UNC13C: variants seen among roughly 807,000 people sequenced by gnomAD.
The protein encoded by UNC13C is unc-13 homolog C, also known as protein unc-13 homolog C.
Under a neutral mutation model 245.4 loss-of-function variants are expected in UNC13C, and 174 were observed. The observed-to-expected ratio is 0.71, with a 90% CI of 0.63 to 0.80. The LOEUF (loss-of-function observed/expected upper bound fraction) is 0.80. Ranked by LOEUF, UNC13C falls within the 30% of genes least tolerant of loss-of-function variation. The probability of loss-of-function intolerance (pLI) is 0.00; values close to 1 mark genes in which losing one functional copy is unlikely to be tolerated. For synonymous variants in UNC13C, 992 were observed against 895.1 expected, an observed-to-expected ratio of 1.11 and a Z score of -1.93; for missense variants, 2,829 against 2,602.9, an observed-to-expected ratio of 1.09 and a Z score of -1.89.
In UNC13C at chr15:54,013,265, C is replaced by G. The variant is rs1419000594; in HGVS notation, c.362C>G (p.Ser121Cys). ...AATGAGGATCTGCTTCAAGAGCTCT[C>G]TTCAATCGAGAGTTCCTACTCAGAA... ...SDNEDLLQEL[S>C]SIESSYSESL... The change falls in exon 2 of 33, where the codon TCT (serine) becomes TGT (cysteine). Residue 121 changes from serine to cysteine, a missense_variant. Coordinates refer to ENST00000260323, the MANE Select transcript of UNC13C (RefSeq NM_001080534.3). 3 of 1,613,698 alleles carry G rather than the reference C, an allele frequency of 1.9e-6. No individual in the cohort carries two copies. The highest frequency in any genetic ancestry group is 1.7e-6 in the Non-Finnish European group (2 of 1,179,796).
At chr15:53,981,850 C>T (rs1015230200) in intron 1 of UNC13C, among the ~76,000 whole-genome samples, 1 of 152,112 alleles carries the variant, frequency 6.6e-6, no homozygotes, top group Non-Finnish European at 1.5e-5. Context: ...ATCGTTTCTC[C>T]ATCTCTTGTC....
At chr15:53,929,079 T>G in the UNC13C span, among the ~76,000 whole-genome samples, 60 of 152,236 alleles carry the variant, frequency 3.9e-4, no homozygotes, top group Non-Finnish European at 7.5e-4. Context: ...GTTTAATGGA[T>G]TCACGGTTCC....
intron 4 of UNC13C, among the ~76,000 whole-genome samples, chr15:54,164,172 G>A (rs1394522556): frequency 1.3e-5 from 2 of 152,108 alleles, no homozygotes; most frequent in Non-Finnish European, 2.9e-5. Context: ...AGGAGAGCTA[G>A]CTAGCTAAAG....
chr15:54,613,528 C>A (rs1900238517), intron 30 of UNC13C, among the ~76,000 whole-genome samples: 1 of 151,758 alleles, frequency 6.6e-6, no homozygotes, highest in South Asian at 2.1e-4. Flanking sequence ...ATAGTGTTTT[C>A]AAATATTAAC....
chr15:54,407,216 G>A (rs899613602), intron 18 of UNC13C, among the ~76,000 whole-genome samples: 9 of 151,640 alleles, frequency 5.9e-5, no homozygotes, highest in African/African-American at 2.2e-4. Context: ...GAAAATAGAG[G>A]CAAAGGCATA....
chr15:54,612,192 A>G (rs749376769), intron 30 of UNC13C, among the ~76,000 whole-genome samples: 2 of 151,990 alleles, frequency 1.3e-5, no homozygotes, highest in Admixed American at 6.6e-5. Flanking sequence ...CCCATCATCA[A>G]TAGTGGACTC....
intron 2 of UNC13C, among the ~76,000 whole-genome samples, chr15:54,118,445 A>C (rs1458265055): frequency 1.3e-5 from 2 of 151,762 alleles, no homozygotes; most frequent in African/African-American, 4.8e-5. Flanking sequence ...TTTTTTATTC[A>C]GATTGTTTGC....
At chr15:53,911,677 G>C in the UNC13C span, 2 of 152,316 alleles carry the variant, frequency 1.3e-5, no homozygotes, top group African/African-American at 4.8e-5. Flanking sequence ...AGTGGCTGAC[G>C]GCAGCCATAC....
At chr15:54,222,358 C>A (rs2035252475) in intron 4 of UNC13C, among the ~76,000 whole-genome samples, 1 of 152,036 alleles carries the variant, frequency 6.6e-6, no homozygotes, top group Non-Finnish European at 1.5e-5. Flanking sequence ...GTTTGTCTTT[C>A]TGTGCCTGGT....
chr15:54,015,044 TAACTC>T lies in UNC13C; in HGVS notation c.2144_2148del (p.Thr715ArgfsTer2). ...CAAGATGACTCAGAGAGCTACGACTTAACTCAAGATGACAATTCTTCTCCATGCCC... is the reference window on the plus strand; with the variant it reads ...CAAGATGACTCAGAGAGCTACGACTTAAGATGACAATTCTTCTCCATGCCC... On this transcript the variant is annotated frameshift_variant, in exon 2 of 33. Transcript: ENST00000260323. LOFTEE classifies it high-confidence loss of function. 6.2e-7 allele frequency: 1 copy of T among 1,613,068 alleles called. No homozygotes were observed. Among genetic ancestry groups the T allele is most frequent in the Non-Finnish European group, 8.5e-7 (1 of 1,179,566 alleles).
At chr15:54,375,535 T>A (rs1156787191) in intron 17 of UNC13C, among the ~76,000 whole-genome samples, 1 of 152,246 alleles carries the variant, frequency 6.6e-6, no homozygotes, top group Non-Finnish European at 1.5e-5. Context: ...TAAAGGATTT[T>A]TACAGATGTA....
At chr15:54,285,935 T>G (rs1480204415) in intron 10 of UNC13C, among the ~76,000 whole-genome samples, 1 of 152,136 alleles carries the variant, frequency 6.6e-6, no homozygotes, top group Non-Finnish European at 1.5e-5. Flanking sequence ...TGGAGTGCAG[T>G]GGTGTTATCT....
intron 4 of UNC13C, among the ~76,000 whole-genome samples, chr15:54,219,605 T>C (rs2035157454): frequency 1.3e-5 from 2 of 148,514 alleles, no homozygotes; most frequent in African/African-American, 5.0e-5. Context: ...AAATGGGATC[T>C]AATTAAACTA....
At chr15:54,203,478 G>T (rs996160521) in intron 4 of UNC13C, among the ~76,000 whole-genome samples, 3 of 135,708 alleles carry the variant, frequency 2.2e-5, no homozygotes, top group African/African-American at 8.9e-5. Context: ...GTGTATATGT[G>T]TGTGTGTATA....
At chr15:54,211,661 C>G (rs945251797) in intron 4 of UNC13C, among the ~76,000 whole-genome samples, 1 of 152,056 alleles carries the variant, frequency 6.6e-6, no homozygotes, top group Non-Finnish European at 1.5e-5. Context: ...CACTCCCCAA[C>G]AAAGCTCCAT....
chr15:54,392,723 T>C (rs2140916313), intron 17 of UNC13C, among the ~76,000 whole-genome samples: 1 of 151,604 alleles, frequency 6.6e-6, no homozygotes, highest in Admixed American at 6.6e-5. Flanking sequence ...TAATTTCTAA[T>C]AATAATAATT....
At chr15:53,978,039 T>C (rs1317543671), upstream of UNC13C, among the ~76,000 whole-genome samples, 2 of 152,200 alleles carry the variant, frequency 1.3e-5, no homozygotes, top group Non-Finnish European at 1.5e-5. Flanking sequence ...TGGTGGCTAA[T>C]AGGGAATGAT....
chr15:53,872,017 A>G, the UNC13C span, among the ~76,000 whole-genome samples: 1 of 152,186 alleles, frequency 6.6e-6, no homozygotes, highest in Non-Finnish European at 1.5e-5. Context: ...CTTCAGGAGA[A>G]CCTGCAGAGA....
chr15:54,300,273 G>C lies in UNC13C; in HGVS notation c.4168G>C (p.Gly1390Arg). 1 of 1,597,136 alleles carries C rather than the reference G, an allele frequency of 6.3e-7. No individual in the cohort carries two copies. Among genetic ancestry groups the C allele is most frequent in the Non-Finnish European group, 8.5e-7 (1 of 1,170,922 alleles). ...TGGAGTGAAAATCCCAGAAGTCAAA[G>C]GGGATGAAGCCTGGAAGGTTTTCTT... ...NGGVKIPEVK[G>R]DEAWKVFFDD... The change falls in exon 13 of 33, where the codon GGG becomes CGG. Residue 1390 changes from glycine (G) to arginine (R), a missense_variant. Physicochemically the swap from Gly to Arg is moderately radical, Grantham distance 125 (BLOSUM62 -2). Transcript: ENST00000260323.
Sources: gnomAD v4.1 joint callset for allele counts (sites outside exome capture counted in the v4.1 genomes callset) on GRCh38, gnomAD v4.1.1 for gene constraint, MANE v1.5 for transcripts, NCBI Gene and HGNC (gene_info 2026-07-23, HGNC 2026-07-21) for gene names.